The following TSHZ1 variants were observed in gnomAD, a reference collection of about 807,000 sequenced individuals.
The protein encoded by TSHZ1 is teashirt zinc finger homeobox 1.
TSHZ1 carries 12 observed loss-of-function variants against 67.1 expected under a neutral mutation model. The observed-to-expected ratio is 0.18, with a 90% confidence interval of 0.11 to 0.29. The LOEUF is 0.29. Among genes scored for constraint, TSHZ1 ranks in the 10% least tolerant of loss-of-function variants. The probability of loss-of-function intolerance (pLI) is 1.00; values close to 1 mark genes in which losing one functional copy is unlikely to be tolerated. For missense variants in TSHZ1, 1,305 were observed against 1,413.9 expected, an observed-to-expected ratio of 0.92 and a Z score of 1.23; for synonymous variants, 632 against 622.4, an observed-to-expected ratio of 1.02 and a Z score of -0.23.
At chr18:75,213,851 A>T (rs762246832) in intron 1 of TSHZ1, among the ~76,000 whole-genome samples, 11 of 152,214 alleles carry the variant, frequency 7.2e-5, no homozygotes, top group Non-Finnish European at 1.2e-4. Context: ...CATTTGGCAT[A>T]CTTAATCAAA....
chr18:75,231,110 G>A (rs967133906), intron 1 of TSHZ1, among the ~76,000 whole-genome samples: 5 of 152,190 alleles, frequency 3.3e-5, no homozygotes, highest in African/African-American at 1.2e-4. Context: ...CTCCAGTGGT[G>A]GAGGGTGGGA....
chr18:75,285,507 G>T lies in TSHZ1; in HGVS notation c.100G>T (p.Asp34Tyr). 6.5e-7 allele frequency: 1 copy of T among 1,533,750 alleles called. No homozygotes were observed. ...AATAGATGAAGAGCACGTGGAGGAT[G>T]ACGGGCTGTCTTTGGACATTCAGGA... Reference protein sequence around the residue: ...AEIDEEHVEDDGLSLDIQESE... With the variant: ...AEIDEEHVEDYGLSLDIQESE... Residue 34 changes from aspartate to tyrosine, a missense_variant, in exon 2 of 2, where the codon GAC becomes TAC. This residue lies in a region of TSHZ1 where 358 missense variants were observed against 375.6 expected (regional missense o/e 0.95). Transcript: ENST00000580243.
intron 1 of TSHZ1, among the ~76,000 whole-genome samples, chr18:75,268,222 A>G (rs1345588935): frequency 6.6e-6 from 1 of 152,196 alleles, no homozygotes; most frequent in Non-Finnish European, 1.5e-5. Flanking sequence ...TTTTCCCAGG[A>G]AGGAGAGTTG....
intron 1 of TSHZ1, among the ~76,000 whole-genome samples, chr18:75,246,435 T>C (rs1431966877): frequency 1.3e-5 from 2 of 151,110 alleles, no homozygotes; most frequent in Admixed American, 6.6e-5. Flanking sequence ...TGTGTGTGTG[T>C]GTGTGTGTGT....
At position 75,286,370 on chromosome 18, in the gene TSHZ1, C is replaced by A; in HGVS notation, c.963C>A (p.Asp321Glu). The A allele has an allele frequency of 6.2e-7, 1 of 1,614,120 alleles. No homozygotes were observed. ...GACACTCCTTTGAGTCCTTGCAGGA[C>A]CTCAGCGTCCACATGATCAAAACCA... ...YCGHSFESLQ[D>E]LSVHMIKTKH... The change falls in exon 2 of 2, where the codon GAC (aspartate) becomes GAA (glutamate). Residue 321 changes from aspartate (D) to glutamate (E), a missense_variant. Asp to Glu is a conservative substitution (Grantham distance 45). Coordinates refer to ENST00000580243, the MANE Select transcript of TSHZ1 (RefSeq NM_001308210.2). The surrounding 1 kb of genome is among the most constrained non-coding windows in gnomAD (Gnocchi z 5.1).
rs375436347 is a variant in TSHZ1, at chr18:75,241,254, G to T, written c.40+29338G>T. Among the ~76,000 whole-genome samples, 9 of 152,136 alleles carry T rather than the reference G, an allele frequency of 5.9e-5. No individual in the cohort carries two copies. In the South Asian group the frequency reaches 1.9e-3, roughly 32 times the overall value. ...GATCCAGAGTCCGGAGTGGGCTGGG[G>T]GTCTGCTCCTGCAGTCCCGGCATGT... On this transcript the variant is annotated intron_variant, in intron 1 of 1. Transcript: ENST00000580243.
intron 1 of TSHZ1, among the ~76,000 whole-genome samples, chr18:75,239,661 C>CA (rs2023128468): frequency 6.6e-6 from 1 of 152,180 alleles, no homozygotes; most frequent in South Asian, 2.1e-4. Flanking sequence ...CTACCACACT[C>CA]AGCTAATTTT....
At chr18:75,253,011 C>T (rs986413119) in intron 1 of TSHZ1, among the ~76,000 whole-genome samples, 2 of 152,138 alleles carry the variant, frequency 1.3e-5, no homozygotes, top group South Asian at 2.1e-4. Context: ...CTGGAATACT[C>T]AGCATCTTTA....
intron 1 of TSHZ1, chr18:75,283,944 G>A (rs1032246720): frequency 3.9e-5 from 6 of 152,186 alleles, no homozygotes; most frequent in African/African-American, 1.4e-4. Context: ...CCCTGGCTCT[G>A]ATGATGTCAT....
chr18:75,244,285 C>G (rs1245754579), intron 1 of TSHZ1, among the ~76,000 whole-genome samples: 1 of 152,214 alleles, frequency 6.6e-6, no homozygotes, highest in East Asian at 1.9e-4. Flanking sequence ...TATATCACAA[C>G]CGGGTAAGGT....
At chr18:75,266,128 A>G (rs1292114610) in intron 1 of TSHZ1, among the ~76,000 whole-genome samples, 2 of 152,160 alleles carry the variant, frequency 1.3e-5, no homozygotes, top group Non-Finnish European at 2.9e-5. Context: ...GACAAGGTTT[A>G]CTAGAAGGGT....
intron 1 of TSHZ1, chr18:75,283,091 A>C (rs991794500): frequency 1.7e-4 from 26 of 152,318 alleles, no homozygotes; most frequent in African/African-American, 6.0e-4. Flanking sequence ...TCCCGCACAC[A>C]GTGGGAGGGG....
chr18:75,221,757 G>A (rs1457010682), intron 1 of TSHZ1, among the ~76,000 whole-genome samples: 1 of 152,158 alleles, frequency 6.6e-6, no homozygotes, highest in Non-Finnish European at 1.5e-5. Flanking sequence ...AGTAAAACAT[G>A]TCTGTTTTCT....
At chr18:75,253,278 T>C (rs570051158) in intron 1 of TSHZ1, among the ~76,000 whole-genome samples, 1 of 152,366 alleles carries the variant, frequency 6.6e-6, no homozygotes, top group Non-Finnish European at 1.5e-5. Context: ...TTTGCCTTTG[T>C]ATGTGGTAGC....
chr18:75,263,205 G>A (rs2023451565), intron 1 of TSHZ1, among the ~76,000 whole-genome samples: 1 of 152,108 alleles, frequency 6.6e-6, no homozygotes. Context: ...GAAATCATCT[G>A]GAATGTAATC....
intron 1 of TSHZ1, among the ~76,000 whole-genome samples, chr18:75,214,086 C>A (rs1160734288): frequency 1.3e-5 from 2 of 152,210 alleles, no homozygotes; most frequent in Non-Finnish European, 2.9e-5. Context: ...ATTATCTCTA[C>A]TTTGATTCCA....
chr18:75,247,075 T>A (rs2023233480), intron 1 of TSHZ1, among the ~76,000 whole-genome samples: 1 of 152,360 alleles, frequency 6.6e-6, no homozygotes, highest in African/African-American at 2.4e-5. Context: ...CACCCAGATA[T>A]AATTTTCTGT....
chr18:75,261,810 G>A (rs752019256), intron 1 of TSHZ1, among the ~76,000 whole-genome samples: 4 of 152,194 alleles, frequency 2.6e-5, no homozygotes, highest in African/African-American at 4.8e-5. Flanking sequence ...TTTTGACGTC[G>A]GGGGTGCGTG....
In TSHZ1 at chr18:75,288,317, C is replaced by A; in HGVS notation, c.2910C>A (p.Phe970Leu). Residue 970 changes from phenylalanine (F) to leucine (L), a missense_variant, in exon 2 of 2, where the codon TTC becomes TTA. Physicochemically the swap from Phe to Leu is conservative, Grantham distance 22. Around this residue, in one of 3 missense-constraint regions of TSHZ1, gnomAD observed 909 missense variants for 961.8 expected, o/e 0.95. Coordinates refer to ENST00000580243, the MANE Select transcript of TSHZ1 (RefSeq NM_001308210.2). The surrounding 1 kb of genome is among the most constrained non-coding windows in gnomAD (Gnocchi z 4.9). ...LKNLDTGHPV[F>L]FCNDCASQFR... ...ACCTGGACACAGGGCATCCTGTTTT[C>A]TTTTGCAACGATTGTGCCTCTCAGT... The A allele has an allele frequency of 1.2e-6, 2 of 1,614,196 alleles. No homozygotes were observed. Among genetic ancestry groups the A allele is most frequent in the Non-Finnish European group, 1.7e-6 (2 of 1,180,044 alleles).
Sources: gnomAD v4.1 joint callset for allele counts (sites outside exome capture counted in the v4.1 genomes callset) on GRCh38, gnomAD v4.1.1 for gene constraint, gnomAD v4.1.1 regional missense constraint, Gnocchi (gnomAD v3.1) non-coding constraint, MANE v1.5 for transcripts, NCBI Gene and HGNC (gene_info 2026-07-23, HGNC 2026-07-21) for gene names.